The following ZNF532 variants were observed in gnomAD, a reference collection of about 807,000 sequenced individuals.
The protein encoded by ZNF532 is zinc finger protein 532.
In ZNF532, 22 loss-of-function variants were observed where a neutral mutation model predicts 89.3. That is an observed-to-expected ratio of 0.25 (90% CI 0.18 to 0.35). ZNF532 has a LOEUF of 0.35. Ranked by LOEUF, ZNF532 falls within the 10% of genes least tolerant of loss-of-function variation. The pLI, the probability that ZNF532 is intolerant of heterozygous loss-of-function variation, is 1.00. For missense variants in ZNF532, 1,132 were observed against 1,643.4 expected, an observed-to-expected ratio of 0.69 and a Z score of 5.38; for synonymous variants, 606 against 649.6, an observed-to-expected ratio of 0.93 and a Z score of 1.02.
At chr18:58,974,884 C>T (rs909207734) in intron 7 of ZNF532, among the ~76,000 whole-genome samples, 3 of 152,176 alleles carry the variant, frequency 2.0e-5, no homozygotes, top group Admixed American at 6.5e-5. Context: ...AACCATTTGA[C>T]GTAGTTAAAA....
intron 2 of ZNF532, among the ~76,000 whole-genome samples, chr18:58,907,437 C>G (rs895711666): frequency 6.6e-6 from 1 of 152,104 alleles, no homozygotes; most frequent in Admixed American, 6.5e-5. Flanking sequence ...CCCCTGCCCA[C>G]CTTGGCCTCC....
rs770233772 is a variant in ZNF532 at position 58,939,396 on chromosome 18, C to T, written c.2529-49C>T. ...ATCTCACCCAGTTTTTGCAGTTACA[C>T]GTGTGTTATGGTCTTGTGCTAATGA... On this transcript the variant is annotated intron_variant, in intron 4 of 9. Transcript: ENST00000591808. 9.2e-6 allele frequency: 14 copies of T among 1,520,900 alleles called. No homozygotes were observed. The African/African-American group carries it at 1.1e-4, about 12-fold the overall frequency. 94.2% of individuals were successfully genotyped at this position (1,520,900 alleles called of 1,614,324 possible). A position where few individuals can be genotyped will look rare whatever the true frequency, so the allele number is the denominator to read the frequency against.
chr18:58,967,385 C>G (rs1324708366), intron 7 of ZNF532, among the ~76,000 whole-genome samples: 1 of 152,186 alleles, frequency 6.6e-6, no homozygotes, highest in Non-Finnish European at 1.5e-5. Context: ...TATTCTTGTT[C>G]CAGCAATACA....
chr18:58,870,567 A>G (rs1041183330), intron 2 of ZNF532, among the ~76,000 whole-genome samples: 10 of 152,154 alleles, frequency 6.6e-5, no homozygotes, highest in African/African-American at 2.2e-4. Context: ...ACTTCTGTGT[A>G]GGCAGAAAAG....
chr18:58,870,524 A>G (rs1191563121), intron 2 of ZNF532, among the ~76,000 whole-genome samples: 4 of 152,134 alleles, frequency 2.6e-5, no homozygotes, highest in Admixed American at 6.5e-5. Flanking sequence ...GGGTCACCTG[A>G]TGAGGCCTTT....
intron 2 of ZNF532, among the ~76,000 whole-genome samples, chr18:58,895,218 G>A (rs556976898): frequency 4.6e-5 from 7 of 152,294 alleles, no homozygotes; most frequent in Non-Finnish European, 7.4e-5. Flanking sequence ...CAGTAGCTGC[G>A]TCGTCTTCTA....
Position 58,918,723 on chromosome 18 carries a change from G to T in ZNF532, c.436G>T (p.Val146Leu). 1 of 1,614,176 alleles carries T rather than the reference G, an allele frequency of 6.2e-7. No individual in the cohort carries two copies. Among genetic ancestry groups the T allele is most frequent in the Non-Finnish European group, 8.5e-7 (1 of 1,180,030 alleles). ...GTTTGATGACGACGAGAAGATTGAG[G>T]TGGATGACCCCCCTGACAAGGAGGA... ...EEFDDDEKIE[V>L]DDPPDKEDMR... is the part of the protein sequence containing the mutation. The change falls in exon 3 of 10, where the codon GTG (valine) becomes TTG (leucine). Residue 146 changes from valine (V) to leucine (L), a missense_variant. By Grantham distance (32) the Val-to-Leu change is conservative. Coordinates refer to ENST00000591808, the MANE Select transcript of ZNF532 (RefSeq NM_001375912.1).
chr18:58,942,057 G>C (rs143383166), intron 5 of ZNF532, among the ~76,000 whole-genome samples: 11,423 of 128,644 alleles, frequency 0.089, 525 homozygotes, highest in Admixed American at 0.12. Flanking sequence ...CAGTCTCGCT[G>C]TGTCGCCCAG....
At chr18:58,981,872 C>T (rs978188215) in intron 9 of ZNF532, among the ~76,000 whole-genome samples, 5 of 150,788 alleles carry the variant, frequency 3.3e-5, no homozygotes, top group Admixed American at 6.6e-5. Context: ...GGCGTGGTGG[C>T]GGGCTCCTGT....
Position 58,985,797 on chromosome 18 carries a change from TTC to T in ZNF532, c.*1333_*1334del. On this transcript the variant is annotated 3_prime_UTR_variant, in exon 10 of 10. Coordinates refer to ENST00000591808, the MANE Select transcript of ZNF532 (RefSeq NM_001375912.1). Reference sequence around the variant, plus strand: ...TTTTTTTTTTTTTTAAGAAAAGGAATTCTTTTGTGTATATATAGATACTTGCA... The same window carrying T: ...TTTTTTTTTTTTTTAAGAAAAGGAATTTTTGTGTATATATAGATACTTGCA... The T allele has an allele frequency of 6.9e-6, 1 of 144,714 alleles. No individual in the cohort carries two copies. Among genetic ancestry groups the T allele is most frequent in the African/African-American group, 2.6e-5 (1 of 38,716 alleles). 9.0% of individuals were successfully genotyped at this position (144,714 alleles called of 1,614,324 possible). A position where few individuals can be genotyped will look rare whatever the true frequency, so the allele number is the denominator to read the frequency against.
chr18:58,867,127 T>C (rs2056540901), intron 2 of ZNF532, among the ~76,000 whole-genome samples: 1 of 152,228 alleles, frequency 6.6e-6, no homozygotes, highest in African/African-American at 2.4e-5. Flanking sequence ...CAATAAGCTG[T>C]TTTATTATTT....
intron 2 of ZNF532, among the ~76,000 whole-genome samples, chr18:58,884,768 A>G (rs1359337728): frequency 6.6e-6 from 1 of 152,132 alleles, no homozygotes; most frequent in Non-Finnish European, 1.5e-5. Flanking sequence ...AACATGCTTC[A>G]TTAAGGGAAA....
intron 5 of ZNF532, 31 bp from the exon 6 acceptor site, chr18:58,948,036 G>A (rs2063809704): frequency 6.3e-7 from 1 of 1,583,434 alleles, no homozygotes. Flanking sequence ...GAGGCTGACT[G>A]ACATGATCTC....
chr18:58,939,454 T>C lies in ZNF532; in HGVS notation c.2538T>C (p.His846=). Residue 846 remains histidine (H), a synonymous_variant, in exon 5 of 10, where the codon CAT becomes CAC. Coordinates refer to ENST00000591808, the MANE Select transcript of ZNF532 (RefSeq NM_001375912.1). ...YTRRVGFRCV[H]CNVVYSDVAA... is the part of the protein sequence containing the mutation. ...TTTATTTTTCTAACAGATGTGTGCA[T>C]TGCAATGTTGTGTACTCTGATGTGG... 6.2e-7 allele frequency: 1 copy of C among 1,613,214 alleles called. No individual in the cohort carries two copies. The highest frequency in any genetic ancestry group is 8.5e-7 in the Non-Finnish European group (1 of 1,179,692).
At chr18:58,867,506 G>C (rs1030077511) in intron 2 of ZNF532, among the ~76,000 whole-genome samples, 7 of 152,294 alleles carry the variant, frequency 4.6e-5, no homozygotes, top group African/African-American at 1.7e-4. Context: ...TCCCTGGAGT[G>C]GGGAGAGTCT....
At chr18:58,978,594 G>A (rs2067328169) in intron 7 of ZNF532, among the ~76,000 whole-genome samples, 1 of 152,016 alleles carries the variant, frequency 6.6e-6, no homozygotes, top group Non-Finnish European at 1.5e-5. Context: ...CCCCATCATG[G>A]TTACCTCAGC....
At chr18:58,981,758 A>C in intron 9 of ZNF532, 141 bp downstream of exon 9, 1 of 1,094,474 alleles carries the variant, frequency 9.1e-7, no homozygotes, top group South Asian at 1.5e-5. Flanking sequence ...CATGCCCACC[A>C]CTTTGGGAGG....
At position 58,984,475 on chromosome 18, in the gene ZNF532, G is replaced by A. The variant is rs764345100; in HGVS notation, c.*9G>A. On this transcript the variant is annotated 3_prime_UTR_variant, in exon 10 of 10. Coordinates refer to ENST00000591808, the MANE Select transcript of ZNF532 (RefSeq NM_001375912.1). ...GCTCAGCCGAGAAATAGCCACAGAT[G>A]CTCCATGAGGAAAATCCCTGTCCAC... 2 of 1,603,318 alleles carry A rather than the reference G, an allele frequency of 1.2e-6. No homozygotes were observed. The highest frequency in any genetic ancestry group is 1.7e-6 in the Non-Finnish European group (2 of 1,174,334).
At chr18:58,877,496 CT>C in intron 2 of ZNF532, among the ~76,000 whole-genome samples, 1 of 152,308 alleles carries the variant, frequency 6.6e-6, no homozygotes, top group East Asian at 1.9e-4. Flanking sequence ...AAATAAATGT[CT>C]GTTGCATGAG....
Sources: gnomAD v4.1 joint callset for allele counts (sites outside exome capture counted in the v4.1 genomes callset) on GRCh38, gnomAD v4.1.1 for gene constraint, MANE v1.5 for transcripts, NCBI Gene and HGNC (gene_info 2026-07-23, HGNC 2026-07-21) for gene names.